Variants in HMCN1 observed in about 807,000 individuals in gnomAD.
HMCN1 encodes the protein hemicentin-1.
HMCN1 carries 321 observed loss-of-function variants against 625.9 expected under a neutral mutation model. The observed-to-expected ratio is 0.51, with a 90% confidence interval of 0.47 to 0.56. The LOEUF (loss-of-function observed/expected upper bound fraction) is 0.56, where lower values mean the gene tolerates loss of function less well. HMCN1 is among the 20% of genes least tolerant of loss of function. The probability of loss-of-function intolerance (pLI) is 0.00; values close to 1 mark genes in which losing one functional copy is unlikely to be tolerated. For missense variants in HMCN1, 6,588 were observed against 6,887.3 expected (o/e 0.96, Z 1.54); for synonymous variants, 2,425 against 2,417.6 (o/e 1.00, Z -0.09).
chr1:186,088,559 G>T (rs750928217), intron 62 of HMCN1, 47 bp from the exon 63 acceptor site: 4 of 1,589,652 alleles, frequency 2.5e-6, no homozygotes, highest in Non-Finnish European at 3.4e-6. Flanking sequence ...AGATGTTAAA[G>T]TTTAAAGGTT....
chr1:186,118,104 C>T (rs568271535), intron 77 of HMCN1, among the ~76,000 whole-genome samples: 9 of 152,044 alleles, frequency 5.9e-5, no homozygotes, highest in African/African-American at 9.6e-5. Flanking sequence ...GAGTGAGTAG[C>T]GAGTTCTATG....
In HMCN1 at chr1:186,130,012, A is replaced by G; in HGVS notation, c.12951A>G (p.Arg4317=). 1.9e-6 allele frequency: 3 copies of G among 1,613,242 alleles called. No individual in the cohort carries two copies. Among genetic ancestry groups the G allele is most frequent in the Non-Finnish European group, 2.5e-6 (3 of 1,179,402 alleles). Residue 4317 remains arginine (R), a synonymous_variant, in exon 84 of 107, where the codon AGA becomes AGG. Transcript: ENST00000271588. The part of the protein sequence containing the change: ...VNGHSELVIE[R]VSKEDSGTYV... ...GACACAGTGAACTTGTTATTGAAAG[A>G]GTGTCAAAAGAGGATTCAGGTACTT...
chr1:185,933,870 C>G (rs1454886857), intron 11 of HMCN1, 46 bp downstream of exon 11: 19 of 1,586,362 alleles, frequency 1.2e-5, no homozygotes, highest in Non-Finnish European at 1.6e-5. Context: ...TTTCTGTCCT[C>G]TATTTTTAAA....
chr1:185,817,409 TG>T (rs1475850355), intron 1 of HMCN1, among the ~76,000 whole-genome samples: 1 of 151,946 alleles, frequency 6.6e-6, no homozygotes, highest in Non-Finnish European at 1.5e-5. Flanking sequence ...GGGGCCTGAA[TG>T]CATAGCAATA....
At position 185,993,315 on chromosome 1, in the gene HMCN1, T is replaced by A; in HGVS notation, c.3505+6T>A. On this transcript the variant is annotated splice_donor_region_variant and intron_variant, in intron 23 of 106. Coordinates refer to ENST00000271588, the MANE Select transcript of HMCN1 (RefSeq NM_031935.3). ...TGTCAAATTAAATGTCCATGGTGAG[T>A]CTTGAAATGAGAACATATGACAACC... The A allele has an allele frequency of 6.2e-7, 1 of 1,612,374 alleles. No individual in the cohort carries two copies. The highest frequency in any genetic ancestry group is 8.5e-7 in the Non-Finnish European group (1 of 1,178,738).
At chr1:186,140,766 G>A (rs1649906185) in intron 89 of HMCN1, among the ~76,000 whole-genome samples, 1 of 151,930 alleles carries the variant, frequency 6.6e-6, no homozygotes, top group African/African-American at 2.4e-5. Flanking sequence ...ATTGACCTCT[G>A]TCAAGAACTT....
In HMCN1 at chr1:186,165,320, G is replaced by A. The variant is rs1571449315; in HGVS notation, c.15319+147G>A. On this transcript the variant is annotated intron_variant, in intron 98 of 106. Transcript: ENST00000271588. ...CCCATTTGACAGCTAAGGAAATTGA[G>A]ATGTAGAAAAGTCAAACTATGGAAA... is the stretch of plus-strand genomic sequence containing the variant. The A allele has an allele frequency of 3.8e-6, 3 of 782,416 alleles. No homozygotes were observed. The East Asian group carries it at 8.0e-5, about 21-fold the overall frequency. 48.5% of individuals were successfully genotyped at this position (782,416 alleles called of 1,614,324 possible). A position where few individuals can be genotyped will look rare whatever the true frequency, so the allele number is the denominator to read the frequency against.
intron 1 of HMCN1, among the ~76,000 whole-genome samples, chr1:185,749,866 A>C (rs1274834846): frequency 6.6e-6 from 1 of 152,104 alleles, no homozygotes; most frequent in Non-Finnish European, 1.5e-5. Flanking sequence ...TATTTCTTAC[A>C]TGTCAGGCAC....
chr1:186,018,730 G>A (rs962287412), intron 34 of HMCN1, among the ~76,000 whole-genome samples: 2 of 151,990 alleles, frequency 1.3e-5, no homozygotes, highest in Non-Finnish European at 2.9e-5. Flanking sequence ...AAGCGTTTAA[G>A]GGTTTAGCCA....
intron 1 of HMCN1, among the ~76,000 whole-genome samples, chr1:185,755,744 G>C (rs1264639153): frequency 6.6e-6 from 1 of 152,150 alleles, no homozygotes; most frequent in Non-Finnish European, 1.5e-5. Flanking sequence ...GAAGGGATTA[G>C]GAATTTCCAT....
At chr1:186,069,230 A>T (rs1292688991) in intron 50 of HMCN1, among the ~76,000 whole-genome samples, 17 of 152,222 alleles carry the variant, frequency 1.1e-4, no homozygotes, top group Admixed American at 1.1e-3. Flanking sequence ...TTTACTTTAT[A>T]TGTTGGTCAA....
At chr1:186,012,549 G>A (rs896626345) in intron 30 of HMCN1, among the ~76,000 whole-genome samples, 3 of 152,004 alleles carry the variant, frequency 2.0e-5, no homozygotes, top group African/African-American at 7.2e-5. Context: ...TGCTCCCAGT[G>A]TTCTCAACTC....
intron 11 of HMCN1, among the ~76,000 whole-genome samples, chr1:185,939,600 A>G (rs983451189): frequency 1.3e-5 from 2 of 152,134 alleles, no homozygotes; most frequent in Admixed American, 1.3e-4. Flanking sequence ...ACTTTTCTGT[A>G]CTTGAAAAAT....
At chr1:185,974,917 T>A (rs1399075518) in intron 15 of HMCN1, among the ~76,000 whole-genome samples, 1 of 152,156 alleles carries the variant, frequency 6.6e-6, no homozygotes, top group African/African-American at 2.4e-5. Context: ...TTAATTCCAG[T>A]TTGTTCTTGG....
chr1:185,997,741 A>G (rs1652903357), intron 25 of HMCN1, among the ~76,000 whole-genome samples: 2 of 150,342 alleles, frequency 1.3e-5, no homozygotes, highest in African/African-American at 4.9e-5. Flanking sequence ...AAGACTTTCC[A>G]TTCTTTCAAA....
intron 1 of HMCN1, among the ~76,000 whole-genome samples, chr1:185,739,789 A>G (rs1326056886): frequency 6.6e-6 from 1 of 152,174 alleles, no homozygotes; most frequent in African/African-American, 2.4e-5. Context: ...ATTTTTGATG[A>G]TGATAATTGG....
intron 11 of HMCN1, among the ~76,000 whole-genome samples, chr1:185,953,494 C>T (rs1300960487): frequency 6.6e-6 from 1 of 151,680 alleles, no homozygotes; most frequent in Non-Finnish European, 1.5e-5. Context: ...CAGAAAATAC[C>T]AGAAAATGAA....
At chr1:186,156,433 T>C (rs1651025440) in intron 97 of HMCN1, among the ~76,000 whole-genome samples, 1 of 152,212 alleles carries the variant, frequency 6.6e-6, no homozygotes, top group African/African-American at 2.4e-5. Flanking sequence ...AGAAACTGTT[T>C]ACCCTCATTA....
Position 186,088,024 on chromosome 1 carries a change from G to C in HMCN1, c.9445+11G>C. 6.2e-7 allele frequency: 1 copy of C among 1,612,578 alleles called. No individual in the cohort carries two copies. Among genetic ancestry groups the C allele is most frequent in the Non-Finnish European group, 8.5e-7 (1 of 1,178,972 alleles). On this transcript the variant is annotated intron_variant, in intron 61 of 106. Transcript: ENST00000271588. ...ACCTCAATGTATATGGTGAGCATTTGCCTCTAATACAACTCTTTTTCCCCT... is the reference window on the plus strand; with the variant it reads ...ACCTCAATGTATATGGTGAGCATTTCCCTCTAATACAACTCTTTTTCCCCT...
Sources: gnomAD v4.1 joint callset for allele counts (sites outside exome capture counted in the v4.1 genomes callset) on GRCh38, gnomAD v4.1.1 for gene constraint, MANE v1.5 for transcripts, NCBI Gene and HGNC (gene_info 2026-07-23, HGNC 2026-07-21) for gene names.